Variants in ANK2 observed in about 807,000 individuals in gnomAD.
ANK2 encodes the protein ankyrin-2.
In ANK2, 83 loss-of-function variants were observed where a neutral mutation model predicts 360.5. The ratio of observed to expected loss-of-function variants is 0.23; its 90% CI spans 0.19 to 0.28. ANK2 has a LOEUF of 0.28. Among genes scored for constraint, ANK2 ranks in the 10% least tolerant of loss-of-function variants. ANK2 has a pLI of 1.00. For synonymous variants in ANK2, 1,740 were observed against 1,759.5 expected, an observed-to-expected ratio of 0.99 and a Z score of 0.28; for missense variants, 4,201 against 4,795.7, an observed-to-expected ratio of 0.88 and a Z score of 3.66.
At chr4:112,864,435 G>A (rs1307728549) in intron 1 of ANK2, among the ~76,000 whole-genome samples, 2 of 151,814 alleles carry the variant, frequency 1.3e-5, no homozygotes, top group Non-Finnish European at 2.9e-5. Context: ...TCAGCTTCCC[G>A]AGTAGCTGGG....
intron 1 of ANK2, among the ~76,000 whole-genome samples, chr4:112,831,275 C>G (rs1182062709): frequency 6.6e-6 from 1 of 152,182 alleles, no homozygotes; most frequent in African/African-American, 2.4e-5. Context: ...GCTCCTGAGT[C>G]GGGTGGGGAC....
At chr4:113,090,738 A>G (rs2087528916) in intron 1 of ANK2, among the ~76,000 whole-genome samples, 1 of 152,222 alleles carries the variant, frequency 6.6e-6, no homozygotes, top group African/African-American at 2.4e-5. Flanking sequence ...TTCGTGATAA[A>G]AGTCAGAATA....
intron 2 of ANK2, among the ~76,000 whole-genome samples, chr4:113,042,906 T>C (rs1198454869): frequency 6.6e-6 from 1 of 152,206 alleles, no homozygotes; most frequent in Non-Finnish European, 1.5e-5. Flanking sequence ...TGCCCCTGTT[T>C]TATGCTTCTG....
chr4:112,834,421 T>C (rs1197662391), intron 1 of ANK2, among the ~76,000 whole-genome samples: 1 of 152,240 alleles, frequency 6.6e-6, no homozygotes, highest in Non-Finnish European at 1.5e-5. Flanking sequence ...ATGTTGAAGT[T>C]AAGTGCATGC....
chr4:113,174,579 G>A, intron 2 of ANK2, 62 bp downstream of exon 2: 1 of 1,244,026 alleles, frequency 8.0e-7, no homozygotes, highest in Non-Finnish European at 1.2e-6. Context: ...CATTCTCAGA[G>A]CCCAAGATTA....
At chr4:112,817,634 C>CAT (rs908522542), upstream of ANK2, among the ~76,000 whole-genome samples, 1 of 151,338 alleles carries the variant, frequency 6.6e-6, no homozygotes, top group Non-Finnish European at 1.5e-5. Flanking sequence ...ATGACTTAAA[C>CAT]ATATATATAT....
intron 1 of ANK2, among the ~76,000 whole-genome samples, chr4:113,155,730 T>G (rs2097263287): frequency 6.6e-6 from 1 of 151,982 alleles, no homozygotes; most frequent in South Asian, 2.1e-4. Context: ...TTGAGAAAAT[T>G]TTCAAAAACA....
At chr4:113,155,364 T>C (rs1417270436) in intron 1 of ANK2, among the ~76,000 whole-genome samples, 1 of 152,178 alleles carries the variant, frequency 6.6e-6, no homozygotes, top group Non-Finnish European at 1.5e-5. Context: ...TGGCAAGTGA[T>C]AGAACCAGGA....
chr4:113,243,033 A>G (rs1011030317), intron 9 of ANK2, among the ~76,000 whole-genome samples: 3 of 152,210 alleles, frequency 2.0e-5, no homozygotes, highest in African/African-American at 7.2e-5. Flanking sequence ...TAAATTACCT[A>G]GCTCTTCATA....
intron 2 of ANK2, among the ~76,000 whole-genome samples, chr4:112,955,690 T>C (rs977681061): frequency 6.6e-6 from 1 of 152,282 alleles, no homozygotes; most frequent in African/African-American, 2.4e-5. Flanking sequence ...ATATGCTATA[T>C]GTTGTAATAT....
At chr4:113,293,413 ACTCT>A (rs751614804) in intron 21 of ANK2, 23 bp from the exon 22 acceptor site, 18 of 1,588,990 alleles carry the variant, frequency 1.1e-5, no homozygotes, top group African/African-American at 8.1e-5. Context: ...CTTATTTCTC[ACTCT>A]CTCTCTTTCA....
rs184246137 is a variant in ANK2, at chr4:112,949,896, A to G, written c.21+45382A>G. 1.8e-3 allele frequency among the ~76,000 whole-genome samples: 272 copies of G among 152,350 alleles called. 12 individuals are homozygous for G. Among genetic ancestry groups the G allele is most frequent in the Admixed American group, 0.016 (244 of 15,302 alleles). On this transcript the variant is annotated intron_variant, in intron 2 of 30. Coordinates refer to the ANK2 transcript ENST00000503271. ...ATTTGCAAAAAGGGTTACTATTCTC[A>G]ATATATAATGAGATATCATTAAGAA...
chr4:112,722,766 C>G, the ANK2 span, among the ~76,000 whole-genome samples: 4 of 152,144 alleles, frequency 2.6e-5, no homozygotes, highest in Non-Finnish European at 5.9e-5. Flanking sequence ...ATTATTAGAA[C>G]TGGGTCATGT....
At chr4:113,168,498 T>G (rs1458239822) in intron 1 of ANK2, among the ~76,000 whole-genome samples, 1 of 152,214 alleles carries the variant, frequency 6.6e-6, no homozygotes, top group African/African-American at 2.4e-5. Context: ...CTCTGAAGAT[T>G]AGGGGACCTG....
rs2096230059 is a variant in ANK2, at chr4:113,133,869, G to A, written c.85-40547G>A. ...GACTTGAATCTGTGCTTCTCCAACT[G>A]ACCTTATAATGCTATAAAGAAGAGT... is the stretch of plus-strand genomic sequence containing the variant. On this transcript the variant is annotated intron_variant, in intron 1 of 45. Transcript: ENST00000357077. 3.9e-5 allele frequency among the ~76,000 whole-genome samples: 6 copies of A among 152,268 alleles called. No individual in the cohort carries two copies. The South Asian group carries it at 1.2e-3, about 32-fold the overall frequency.
chr4:112,814,950 T>A (rs2055531703), upstream of ANK2, among the ~76,000 whole-genome samples: 1 of 152,020 alleles, frequency 6.6e-6, no homozygotes, highest in South Asian at 2.1e-4. Context: ...TATTTTTAAA[T>A]TGCCAGTTAA....
intron 2 of ANK2, among the ~76,000 whole-genome samples, chr4:112,906,856 C>T (rs1206943968): frequency 6.6e-6 from 1 of 152,098 alleles, no homozygotes; most frequent in Non-Finnish European, 1.5e-5. Context: ...GTAGTATCAT[C>T]AAACTCCTTA....
At chr4:112,748,359 C>G in the ANK2 span, among the ~76,000 whole-genome samples, 1 of 152,124 alleles carries the variant, frequency 6.6e-6, no homozygotes, top group Non-Finnish European at 1.5e-5. Context: ...GTAATTCAGT[C>G]TTGTTAGACT....
intron 43 of ANK2, 56 bp from the exon 44 acceptor site, chr4:113,373,034 A>G: frequency 7.4e-7 from 1 of 1,355,668 alleles, no homozygotes; most frequent in Non-Finnish European, 1.1e-6. Flanking sequence ...ACTTGGGAGT[A>G]GTTCCTCAGA....
Sources: gnomAD v4.1 joint callset for allele counts (sites outside exome capture counted in the v4.1 genomes callset) on GRCh38, gnomAD v4.1.1 for gene constraint, MANE v1.5 for transcripts, NCBI Gene and HGNC (gene_info 2026-07-23, HGNC 2026-07-21) for gene names.